Variants in TLN2 observed in about 807,000 individuals in gnomAD.
The protein encoded by TLN2 is talin 2.
Under a neutral mutation model 294.7 loss-of-function variants are expected in TLN2, and 118 were observed. That is an observed-to-expected ratio of 0.40 (90% confidence interval 0.34 to 0.47). The LOEUF (loss-of-function observed/expected upper bound fraction) is 0.47, where lower values mean the gene tolerates loss of function less well. Among genes scored for constraint, TLN2 ranks in the 20% least tolerant of loss-of-function variants. The probability of loss-of-function intolerance (pLI) is 0.84; values close to 1 mark genes in which losing one functional copy is unlikely to be tolerated. For synonymous variants in TLN2, 1,431 were observed against 1,304.5 expected, an observed-to-expected ratio of 1.10 and a Z score of -2.09; for missense variants, 3,083 against 3,282.2, an observed-to-expected ratio of 0.94 and a Z score of 1.48.
chr15:62,816,408 C>T (rs1007368251), intron 52 of TLN2, among the ~76,000 whole-genome samples: 1 of 152,244 alleles, frequency 6.6e-6, no homozygotes, highest in African/African-American at 2.4e-5. Context: ...CTTCCACTGG[C>T]AGAGCTTTAA....
At chr15:62,403,649 C>G (rs2033184580) in intron 1 of TLN2, among the ~76,000 whole-genome samples, 1 of 152,182 alleles carries the variant, frequency 6.6e-6, no homozygotes. Context: ...ATTGCTTTCT[C>G]TTTGGAACCC....
chr15:62,808,810 G>A (rs1162259288), intron 51 of TLN2, among the ~76,000 whole-genome samples: 1 of 152,222 alleles, frequency 6.6e-6, no homozygotes, highest in East Asian at 1.9e-4. Context: ...GAGCCCATTA[G>A]TCCTCAGATG....
intron 1 of TLN2, among the ~76,000 whole-genome samples, chr15:62,403,424 T>C (rs2033166133): frequency 6.6e-6 from 1 of 152,194 alleles, no homozygotes. Context: ...TTTGTTTTTT[T>C]GTTTTGCCAC....
At chr15:62,737,500 G>T (rs1356988200) in intron 29 of TLN2, among the ~76,000 whole-genome samples, 1 of 152,116 alleles carries the variant, frequency 6.6e-6, no homozygotes, top group African/African-American at 2.4e-5. Context: ...ATGATTCTTC[G>T]ACTGCCTGAT....
rs1185028407 is a variant in TLN2, at chr15:62,797,421, G to C, written c.6234+19G>C. On this transcript the variant is annotated intron_variant, in intron 48 of 58. Transcript: ENST00000636159. Reference sequence around the variant, plus strand: ...GACCCAGGTACCAGCAGGGCCTGGGGAGTGCGTCCTCCCGGTCTTCCCGTG... The same window carrying C: ...GACCCAGGTACCAGCAGGGCCTGGGCAGTGCGTCCTCCCGGTCTTCCCGTG... The C allele has an allele frequency of 6.4e-7, 1 of 1,574,492 alleles. No individual in the cohort carries two copies. The highest frequency in any genetic ancestry group is 1.4e-5 in the African/African-American group (1 of 73,210).
chr15:62,513,427 G>C (rs946856065), intron 1 of TLN2, among the ~76,000 whole-genome samples: 1 of 152,216 alleles, frequency 6.6e-6, no homozygotes, highest in African/African-American at 2.4e-5. Flanking sequence ...CCTAGTGCTG[G>C]TGTCCTTTGC....
chr15:62,392,907 A>G (rs964643535), intron 1 of TLN2, among the ~76,000 whole-genome samples: 4 of 152,014 alleles, frequency 2.6e-5, no homozygotes, highest in African/African-American at 9.7e-5. Flanking sequence ...ACCTACCTTG[A>G]TTGCTTATTT....
chr15:62,757,673 T>C (rs534302446), intron 37 of TLN2, among the ~76,000 whole-genome samples: 1 of 152,270 alleles, frequency 6.6e-6, no homozygotes, highest in East Asian at 1.9e-4. Flanking sequence ...GCTCTCGTGA[T>C]GGCCTAAAAG....
chr15:62,560,764 C>T (rs1429559846), intron 1 of TLN2, among the ~76,000 whole-genome samples: 7 of 152,358 alleles, frequency 4.6e-5, no homozygotes, highest in Non-Finnish European at 7.3e-5. Context: ...AGGGTGGACT[C>T]TGCCTGAATT....
chr15:62,776,319 A>G (rs925915763), intron 42 of TLN2, among the ~76,000 whole-genome samples: 11 of 152,230 alleles, frequency 7.2e-5, no homozygotes, highest in African/African-American at 2.7e-4. Context: ...CCATAGAGGT[A>G]CCTACATTTC....
chr15:62,820,453 A>C, intron 53 of TLN2, 33 bp from the exon 54 acceptor site: 2 of 1,611,332 alleles, frequency 1.2e-6, no homozygotes, highest in Non-Finnish European at 1.7e-6. Context: ...GTCTGCAGCT[A>C]TGAAGAATCA....
intron 19 of TLN2, 122 bp from the exon 20 acceptor site, chr15:62,706,964 T>TA (rs1432784047): frequency 1.0e-5 from 13 of 1,241,240 alleles, no homozygotes; most frequent in Admixed American, 6.2e-5. Context: ...CAAAAAAAAG[T>TA]AAAAAAACTT....
At chr15:62,724,537 G>A (rs2060331507) in intron 26 of TLN2, among the ~76,000 whole-genome samples, 1 of 152,174 alleles carries the variant, frequency 6.6e-6, no homozygotes, top group South Asian at 2.1e-4. Context: ...CTAGAAATTT[G>A]TAAAGAGAAG....
chr15:62,504,846 TGA>T (rs56056575), intron 1 of TLN2, among the ~76,000 whole-genome samples: 1,602 of 144,108 alleles, frequency 0.011, 20 homozygotes, highest in African/African-American at 0.028. Context: ...TGTGTGTGTG[TGA>T]GAGAGAGAGA....
At chr15:62,769,262 C>T (rs1308499142) in intron 41 of TLN2, among the ~76,000 whole-genome samples, 1 of 152,370 alleles carries the variant, frequency 6.6e-6, no homozygotes, top group Non-Finnish European at 1.5e-5. Context: ...CCCTTCAGTG[C>T]TCCGTTCCCT....
chr15:62,415,398 G>A (rs2034017397), intron 1 of TLN2, among the ~76,000 whole-genome samples: 1 of 142,422 alleles, frequency 7.0e-6, no homozygotes, highest in Non-Finnish European at 1.5e-5. Context: ...TAGCAAAAAT[G>A]TTTGATGAAC....
chr15:62,495,704 A>G (rs1025528906), intron 1 of TLN2, among the ~76,000 whole-genome samples: 5 of 152,330 alleles, frequency 3.3e-5, no homozygotes, highest in Middle Eastern at 3.4e-3. Context: ...CCACCTGGAG[A>G]GGGTAGACTT....
intron 1 of TLN2, among the ~76,000 whole-genome samples, chr15:62,496,816 A>C (rs1457811124): frequency 6.6e-6 from 1 of 152,156 alleles, no homozygotes; most frequent in Admixed American, 6.5e-5. Flanking sequence ...TTTGCCTTCT[A>C]TTGTCCATTA....
chr15:62,482,290 A>G (rs2038144277), intron 1 of TLN2, among the ~76,000 whole-genome samples: 1 of 152,156 alleles, frequency 6.6e-6, no homozygotes. Context: ...ATGCTCCTTT[A>G]AAAATGTCCC....
Sources: allele counts gnomAD v4.1 joint callset (sites outside exome capture counted in the v4.1 genomes callset), GRCh38; gene constraint gnomAD v4.1.1; transcripts MANE v1.5; gene names NCBI Gene and HGNC (gene_info 2026-07-23, HGNC 2026-07-21).